RAB11FIP2: variants seen among roughly 807,000 people sequenced by gnomAD.
The protein encoded by RAB11FIP2 is RAB11 family interacting protein 2.
A neutral mutation model predicts 40.9 loss-of-function variants in RAB11FIP2; 16 were observed. That is an observed-to-expected ratio of 0.39 (90% CI 0.26 to 0.59). The LOEUF (loss-of-function observed/expected upper bound fraction) is 0.59, where lower values mean the gene tolerates loss of function less well. Ranked by LOEUF, RAB11FIP2 falls within the 20% of genes least tolerant of loss-of-function variation. The pLI, the probability that RAB11FIP2 is intolerant of heterozygous loss-of-function variation, is 0.53. For synonymous variants in RAB11FIP2, 228 were observed against 213.7 expected (o/e 1.07, Z -0.58); for missense variants, 532 against 606.2 (o/e 0.88, Z 1.28).
chr10:118,039,090 G>A lies in RAB11FIP2; in HGVS notation c.1147C>T (p.Pro383Ser), dbSNP rs769228210. The part of the protein sequence containing the change: ...DKLNNGGSDS[P>S]CDLKSPNAFS... ...GCATTAGGTGATTTCAAGTCACAAG[G>A]GCTATCAGATCCCCCATTGTTAAGT... Residue 383 changes from proline to serine, a missense_variant, in exon 3 of 5, where the codon CCT (proline) becomes TCT (serine). Coordinates refer to ENST00000355624, the MANE Select transcript of RAB11FIP2 (RefSeq NM_014904.3). The A allele has an allele frequency of 8.1e-6, 13 of 1,613,424 alleles. No individual in the cohort carries two copies. The highest frequency in any genetic ancestry group is 1.7e-5 in the Admixed American group (1 of 59,928).
chr10:118,012,965 T>C (rs746890638), intron 4 of RAB11FIP2, among the ~76,000 whole-genome samples: 1 of 152,122 alleles, frequency 6.6e-6, no homozygotes, highest in Non-Finnish European at 1.5e-5. Flanking sequence ...ATATTAGAAT[T>C]ACTACATGAA....
At chr10:118,012,712 A>G (rs142838292) in intron 4 of RAB11FIP2, among the ~76,000 whole-genome samples, 20 of 152,190 alleles carry the variant, frequency 1.3e-4, no homozygotes, top group African/African-American at 3.4e-4. Context: ...TGCAAAATTC[A>G]TAACTCTCTA....
intron 3 of RAB11FIP2, among the ~76,000 whole-genome samples, chr10:118,031,943 A>T (rs1371649060): frequency 6.6e-6 from 1 of 152,066 alleles, no homozygotes; most frequent in African/African-American, 2.4e-5. Flanking sequence ...TCTGGTAAAA[A>T]TATCTCCCAT....
intron 3 of RAB11FIP2, among the ~76,000 whole-genome samples, chr10:118,028,878 G>A (rs1846377396): frequency 6.6e-6 from 1 of 151,952 alleles, no homozygotes; most frequent in African/African-American, 2.4e-5. Flanking sequence ...CCACTCTTGT[G>A]TTCAAAGAAG....
In RAB11FIP2 at chr10:118,005,428, C is replaced by T. The variant is rs545866964; in HGVS notation, c.*3570G>A. On this transcript the variant is annotated 3_prime_UTR_variant, in exon 5 of 5. Transcript: ENST00000355624. The stretch of plus-strand genomic sequence containing the variant: ...GCATATTAAATACTTCCAATGATTG[C>T]ATCTGGATTATTAAAGTTCTACATC... The T allele has an allele frequency of 1.3e-5, 2 of 152,700 alleles. No homozygotes were observed. Among genetic ancestry groups the T allele is most frequent in the South Asian group, 4.1e-4 (2 of 4,824 alleles). The allele number at this position is 152,700 out of a possible 1,614,324, so 9.5% of individuals were successfully genotyped here.
At chr10:118,027,609 C>T (rs140774693) in intron 3 of RAB11FIP2, among the ~76,000 whole-genome samples, 439 of 152,248 alleles carry the variant, frequency 2.9e-3, no homozygotes, top group African/African-American at 0.01. Flanking sequence ...GCTGCTGCTG[C>T]GGCACACCCG....
chr10:118,046,412 G>A lies in RAB11FIP2; in HGVS notation c.-249C>T, dbSNP rs1846639105. 3 of 486,488 alleles carry A rather than the reference G, an allele frequency of 6.2e-6. No homozygotes were observed. The highest frequency in any genetic ancestry group is 7.3e-6 in the Non-Finnish European group (2 of 272,970). The allele number at this position is 486,488 out of a possible 1,614,324, so 30.1% of individuals were successfully genotyped here. On this transcript the variant is annotated 5_prime_UTR_variant, in exon 1 of 5. Coordinates refer to ENST00000355624, the MANE Select transcript of RAB11FIP2 (RefSeq NM_014904.3). The stretch of plus-strand genomic sequence containing the variant: ...ACCATCACCTGGCCGCGCCGTGCAG[G>A]CCTCTGCGCGGACCCCCGCCCCTGT...
chr10:118,020,895 A>G (rs2133167956), intron 3 of RAB11FIP2, among the ~76,000 whole-genome samples: 1 of 152,350 alleles, frequency 6.6e-6, no homozygotes, highest in South Asian at 2.1e-4. Context: ...TCTATTAGAA[A>G]GAAAGAAAGA....
intron 4 of RAB11FIP2, 128 bp from the exon 5 acceptor site, chr10:118,009,353 G>C: frequency 1.2e-6 from 1 of 843,332 alleles, no homozygotes; most frequent in Non-Finnish European, 1.8e-6. Flanking sequence ...TGCTTAAAGT[G>C]AATGTGACAG....
chr10:118,012,496 C>T (rs1269063273), intron 4 of RAB11FIP2, among the ~76,000 whole-genome samples: 1 of 151,678 alleles, frequency 6.6e-6, no homozygotes, highest in Non-Finnish European at 1.5e-5. Context: ...TAATTTTAGG[C>T]ATGAGATTCT....
chr10:118,043,198 A>C (rs1008052556), intron 1 of RAB11FIP2, among the ~76,000 whole-genome samples: 13 of 152,268 alleles, frequency 8.5e-5, no homozygotes, highest in Admixed American at 7.2e-4. Context: ...ATTGGCAGTA[A>C]GGGTGCCAGA....
chr10:118,022,855 G>C (rs1846297209), intron 3 of RAB11FIP2, among the ~76,000 whole-genome samples: 1 of 152,080 alleles, frequency 6.6e-6, no homozygotes, highest in Non-Finnish European at 1.5e-5. Context: ...TGTAAAAACC[G>C]GGGTGAGTTG....
chr10:118,036,367 A>G (rs1457788814), intron 3 of RAB11FIP2, among the ~76,000 whole-genome samples: 1 of 152,254 alleles, frequency 6.6e-6, no homozygotes, highest in African/African-American at 2.4e-5. Flanking sequence ...TAATAATGTG[A>G]GCCCATAGCT....
chr10:118,022,945 C>T (rs1012806647), intron 3 of RAB11FIP2, among the ~76,000 whole-genome samples: 8 of 152,152 alleles, frequency 5.3e-5, no homozygotes, highest in African/African-American at 1.9e-4. Context: ...AAATAATCTT[C>T]CTGAATAAGA....
chr10:118,039,373 G>A lies in RAB11FIP2; in HGVS notation c.864C>T (p.Ser288=). ...AACACAATTCACCTTCATCCACAAT[G>A]CTGTCAGGTTGGTTCATTTTAGAAG... ...FDTSKMNQPD[S]IVDEGELCFG... is the part of the protein sequence containing the mutation. Residue 288 remains serine, a synonymous_variant, in exon 3 of 5, where the codon AGC becomes AGT. Coordinates refer to ENST00000355624, the MANE Select transcript of RAB11FIP2 (RefSeq NM_014904.3). 6.2e-7 allele frequency: 1 copy of A among 1,613,526 alleles called. No homozygotes were observed. Among genetic ancestry groups the A allele is most frequent in the Non-Finnish European group, 8.5e-7 (1 of 1,179,594 alleles).
chr10:118,019,861 T>C (rs1445703847), intron 3 of RAB11FIP2, among the ~76,000 whole-genome samples: 1 of 150,498 alleles, frequency 6.6e-6, no homozygotes, highest in Non-Finnish European at 1.5e-5. Context: ...GGGGCTTCAC[T>C]TTCATGACAA....
At chr10:118,017,767 A>T (rs1846238847) in intron 3 of RAB11FIP2, 1 of 152,240 alleles carries the variant, frequency 6.6e-6, no homozygotes, top group East Asian at 1.9e-4. Context: ...TACAAATTTC[A>T]GTATATGTCT....
At chr10:118,020,516 G>A (rs1334272454) in intron 3 of RAB11FIP2, among the ~76,000 whole-genome samples, 3 of 152,158 alleles carry the variant, frequency 2.0e-5, no homozygotes, top group African/African-American at 7.2e-5. Context: ...GGCTTATTAT[G>A]TTCTGCCACC....
chr10:118,033,737 T>C (rs1012091414), intron 3 of RAB11FIP2, among the ~76,000 whole-genome samples: 1 of 152,174 alleles, frequency 6.6e-6, no homozygotes, highest in African/African-American at 2.4e-5. Context: ...GAGTTTGGAT[T>C]TGGTGTTGCA....
Sources: allele counts gnomAD v4.1 joint callset (sites outside exome capture counted in the v4.1 genomes callset), GRCh38; gene constraint gnomAD v4.1.1; transcripts MANE v1.5; gene names NCBI Gene and HGNC (gene_info 2026-07-23, HGNC 2026-07-21).